The following PPP1R12A variants were observed in gnomAD, a reference collection of about 807,000 sequenced individuals.
The protein encoded by PPP1R12A is myosin binding subunit.
PPP1R12A carries 19 observed loss-of-function variants against 139.6 expected under a neutral mutation model. That is an observed-to-expected ratio of 0.14 (90% CI 0.09 to 0.20). The LOEUF is 0.20. Among genes scored for constraint, PPP1R12A ranks in the 10% least tolerant of loss-of-function variants. PPP1R12A has a pLI of 1.00. For synonymous variants in PPP1R12A, 427 were observed against 420.6 expected (o/e 1.02, Z -0.19); for missense variants, 925 against 1,211.5 (o/e 0.76, Z 3.51).
At chr12:79,804,619 C>T (rs945668319) in intron 14 of PPP1R12A, among the ~76,000 whole-genome samples, 1 of 150,780 alleles carries the variant, frequency 6.6e-6, no homozygotes, top group Admixed American at 6.6e-5. Flanking sequence ...AGAAATAAAA[C>T]AAAGTTAATC....
At chr12:79,788,407 T>C (rs1043354786) in intron 21 of PPP1R12A, 5 of 381,858 alleles carry the variant, frequency 1.3e-5, no homozygotes, top group African/African-American at 1.0e-4. Context: ...TGAACGCTCC[T>C]TTCCAGCTCA....
intron 2 of PPP1R12A, among the ~76,000 whole-genome samples, chr12:79,866,547 C>T (rs571343224): frequency 7.2e-5 from 11 of 152,032 alleles, no homozygotes; most frequent in African/African-American, 1.2e-4. Flanking sequence ...CCTACAGAAT[C>T]GGAGAAAATT....
chr12:79,935,014 G>A lies in PPP1R12A; in HGVS notation c.-83C>T. On this transcript the variant is annotated 5_prime_UTR_variant, in exon 1 of 25. Transcript: ENST00000450142. ...GGAAGAGAGGGGAGGCAGGGGGTGT[G>A]TGAATGTTTCTATGAGTGCGGGCCA... 1 of 1,478,702 alleles carries A rather than the reference G, an allele frequency of 6.8e-7. No individual in the cohort carries two copies. Among genetic ancestry groups the A allele is most frequent in the Non-Finnish European group, 9.0e-7 (1 of 1,113,284 alleles). The allele number at this position is 1,478,702 out of a possible 1,614,324, so 91.6% of individuals were successfully genotyped here.
chr12:79,859,817 G>A (rs1881115304), intron 2 of PPP1R12A, among the ~76,000 whole-genome samples: 1 of 152,158 alleles, frequency 6.6e-6, no homozygotes. Context: ...CCGCTGCTGA[G>A]GCAGGAGGAT....
At chr12:79,932,737 A>G (rs1555258550) in intron 1 of PPP1R12A, among the ~76,000 whole-genome samples, 1 of 152,200 alleles carries the variant, frequency 6.6e-6, no homozygotes, top group Non-Finnish European at 1.5e-5. Context: ...TATTGAGAGG[A>G]GAAAAAAAGA....
At chr12:79,933,716 G>A (rs1888428388) in intron 1 of PPP1R12A, among the ~76,000 whole-genome samples, 1 of 152,202 alleles carries the variant, frequency 6.6e-6, no homozygotes, top group South Asian at 2.1e-4. Context: ...TAAAGGCAAG[G>A]CAACATTATC....
At chr12:79,828,628 TCTCAGAAAAAA>T (rs933954343) in intron 4 of PPP1R12A, among the ~76,000 whole-genome samples, 164 bp from the exon 5 acceptor site, 1 of 152,102 alleles carries the variant, frequency 6.6e-6, no homozygotes, top group Non-Finnish European at 1.5e-5. Context: ...ACAAAGTAAT[TCTCAGAAAAAA>T]CTCAGAAAAA....
At chr12:79,823,248 C>T (rs542583876) in intron 5 of PPP1R12A, among the ~76,000 whole-genome samples, 3 of 151,888 alleles carry the variant, frequency 2.0e-5, no homozygotes, top group Admixed American at 2.0e-4. Context: ...AGAATACAGT[C>T]TTCTTTGTAT....
At chr12:79,890,077 G>A (rs1884449582) in intron 1 of PPP1R12A, among the ~76,000 whole-genome samples, 1 of 152,092 alleles carries the variant, frequency 6.6e-6, no homozygotes, top group South Asian at 2.1e-4. Context: ...CAGTATATAA[G>A]CATGTAAAAC....
intron 1 of PPP1R12A, among the ~76,000 whole-genome samples, chr12:79,917,063 T>C (rs764893411): frequency 2.8e-4 from 42 of 152,210 alleles, no homozygotes; most frequent in Non-Finnish European, 5.4e-4. Flanking sequence ...CATACTGTCC[T>C]GCAATTAACA....
At chr12:79,860,592 C>G (rs575936586) in intron 2 of PPP1R12A, among the ~76,000 whole-genome samples, 259 of 152,192 alleles carry the variant, frequency 1.7e-3, no homozygotes, top group African/African-American at 6.1e-3. Context: ...AAAAATAATA[C>G]TTTTATTAGC....
At position 79,900,382 on chromosome 12, in the gene PPP1R12A, G is replaced by T. The variant is rs560262500; in HGVS notation, c.238-27444C>A. 5.9e-5 allele frequency among the ~76,000 whole-genome samples: 9 copies of T among 152,234 alleles called. No individual in the cohort carries two copies. In the South Asian group the frequency reaches 1.7e-3, roughly 28 times the overall value. On this transcript the variant is annotated intron_variant, in intron 1 of 24. Coordinates refer to ENST00000450142, the MANE Select transcript of PPP1R12A (RefSeq NM_002480.3). The stretch of plus-strand genomic sequence containing the variant: ...CTCCATGTAAACTCCACCAGTGCAG[G>T]GATTTTTGTCTGCTTTGTGAATTCA...
intron 1 of PPP1R12A, chr12:79,878,426 T>TA (rs1447585955): frequency 2.0e-5 from 3 of 152,100 alleles, no homozygotes; most frequent in African/African-American, 7.2e-5. Flanking sequence ...AAGTTTTTTT[T>TA]AAAAAGGATG....
At chr12:79,856,606 G>A (rs1880687834) in intron 2 of PPP1R12A, among the ~76,000 whole-genome samples, 1 of 152,138 alleles carries the variant, frequency 6.6e-6, no homozygotes, top group South Asian at 2.1e-4. Flanking sequence ...AAAACTTGAA[G>A]TCAACAGCAA....
intron 1 of PPP1R12A, among the ~76,000 whole-genome samples, chr12:79,896,360 TCTCA>T (rs1282468672): frequency 6.6e-6 from 1 of 152,098 alleles, no homozygotes; most frequent in Admixed American, 6.6e-5. Context: ...TGAGACACGG[TCTCA>T]CTTTCGTCAC....
At chr12:79,901,698 A>C (rs1264222713) in intron 1 of PPP1R12A, among the ~76,000 whole-genome samples, 3 of 152,196 alleles carry the variant, frequency 2.0e-5, no homozygotes, top group Non-Finnish European at 2.9e-5. Flanking sequence ...ATTGCTCAAC[A>C]ATTATTTACT....
chr12:79,820,794 G>A lies in PPP1R12A; in HGVS notation c.1094C>T (p.Ser365Leu), dbSNP rs370507874. 1.2e-6 allele frequency: 2 copies of A among 1,612,286 alleles called. No individual in the cohort carries two copies. The highest frequency in any genetic ancestry group is 1.7e-6 in the Non-Finnish European group (2 of 1,179,398). ...TTTACCTGTTTCAGCTTCTGATTCC[G>A]AGTCATCTTCCTCATCTTCTTCACT... is the stretch of plus-strand genomic sequence containing the variant. The part of the protein sequence containing the change: ...CSSEEDEEDD[S>L]ESEAETDKTK... The change falls in exon 8 of 25, where the codon TCG (serine) becomes TTG (leucine). Residue 365 changes from serine (S) to leucine (L), a missense_variant. Coordinates refer to ENST00000450142, the MANE Select transcript of PPP1R12A (RefSeq NM_002480.3).
chr12:79,831,782 A>C (rs999793212), intron 4 of PPP1R12A, among the ~76,000 whole-genome samples: 7 of 152,204 alleles, frequency 4.6e-5, no homozygotes, highest in Admixed American at 4.6e-4. Flanking sequence ...CAACATAAAG[A>C]AGCTTTGTTC....
intron 5 of PPP1R12A, among the ~76,000 whole-genome samples, chr12:79,822,439 A>T (rs1376074430): frequency 1.3e-5 from 2 of 152,192 alleles, no homozygotes; most frequent in African/African-American, 2.4e-5. Flanking sequence ...CATATACCAT[A>T]CAAATCACTC....
Sources: allele counts gnomAD v4.1 joint callset (sites outside exome capture counted in the v4.1 genomes callset), GRCh38; gene constraint gnomAD v4.1.1; transcripts MANE v1.5; gene names NCBI Gene and HGNC (gene_info 2026-07-23, HGNC 2026-07-21).